ZNF324B: variants seen among roughly 807,000 people sequenced by gnomAD.
ZNF324B encodes zinc finger protein 324B.
ZNF324B carries 7 observed loss-of-function variants against 10.6 expected under a neutral mutation model. The ratio of observed to expected loss-of-function variants is 0.66; its 90% CI spans 0.38 to 1.24. ZNF324B has a LOEUF of 1.24. Ranked by LOEUF, ZNF324B falls within the 50% of genes most tolerant of loss-of-function variation. The probability of loss-of-function intolerance (pLI) is 0.02; values close to 1 mark genes in which losing one functional copy is unlikely to be tolerated. For missense variants in ZNF324B, 640 were observed against 764.7 expected (o/e 0.84, Z 1.92); for synonymous variants, 316 against 321.0 (o/e 0.98, Z 0.17).
At chr19:58,435,373 G>T in the ZNF324B span, 1 of 770,344 alleles carries the variant, frequency 1.3e-6, no homozygotes. Flanking sequence ...CATTACTATT[G>T]GCAGGATAGG....
At chr19:58,428,577 C>G in the ZNF324B span, 1 of 152,202 alleles carries the variant, frequency 6.6e-6, no homozygotes, top group Non-Finnish European at 1.5e-5. Flanking sequence ...TCTGTCTTCT[C>G]TGTCTTGAGG....
chr19:58,420,291 C>T, the ZNF324B span, among the ~76,000 whole-genome samples: 3 of 151,988 alleles, frequency 2.0e-5, no homozygotes, highest in Non-Finnish European at 2.9e-5. Flanking sequence ...TGGTGACGGG[C>T]GCCTGTAGTC....
upstream of ZNF324B, among the ~76,000 whole-genome samples, chr19:58,449,682 C>T (rs146168560): frequency 1.7e-3 from 258 of 152,308 alleles, 1 homozygote; most frequent in African/African-American, 5.7e-3. Flanking sequence ...TTCAGACTTT[C>T]GTGGGGCCTT....
the ZNF324B span, among the ~76,000 whole-genome samples, chr19:58,424,488 C>T: frequency 3.9e-5 from 6 of 152,132 alleles, no homozygotes; most frequent in East Asian, 3.8e-4. Flanking sequence ...AGTTGTTCAA[C>T]GTCACTAGTC....
the ZNF324B span, among the ~76,000 whole-genome samples, chr19:58,421,622 G>T: frequency 2.0e-5 from 3 of 152,004 alleles, no homozygotes; most frequent in Non-Finnish European, 2.9e-5. Flanking sequence ...CTCGTGATCC[G>T]CCCACCTCGG....
the ZNF324B span, chr19:58,439,848 C>A: frequency 6.5e-7 from 1 of 1,534,084 alleles, no homozygotes; most frequent in Non-Finnish European, 8.8e-7. Flanking sequence ...CTAGCCCTGC[C>A]GCTGGGCCGA....
rs1201367015 is a variant in ZNF324B, at chr19:58,456,294, G to A, written c.1350G>A (p.Glu450=). The change falls in exon 4 of 4, where the codon GAG becomes GAA. Residue 450 remains glutamate (E), a synonymous_variant. Transcript: ENST00000336614. The surrounding 1 kb of genome is among the most constrained non-coding windows in gnomAD (Gnocchi z 4.7). ...LTQHQLLHTG[E]RPFRCVDCGK... is the part of the protein sequence containing the mutation. The stretch of plus-strand genomic sequence containing the variant: ...AGCACCAGCTCCTGCACACGGGCGA[G>A]CGGCCCTTCCGCTGCGTGGACTGTG... 1 of 1,612,978 alleles carries A rather than the reference G, an allele frequency of 6.2e-7. No homozygotes were observed. The highest frequency in any genetic ancestry group is 8.5e-7 in the Non-Finnish European group (1 of 1,179,862).
rs1447837626 is a variant in ZNF324B at position 58,455,464 on chromosome 19, C to G, written c.520C>G (p.Pro174Ala). The G allele has an allele frequency of 2.5e-6, 4 of 1,614,094 alleles. No individual in the cohort carries two copies. The highest frequency in any genetic ancestry group is 3.4e-6 in the Non-Finnish European group (4 of 1,179,982). Residue 174 changes from proline (P) to alanine (A), a missense_variant, in exon 4 of 4, where the codon CCC (proline) becomes GCC (alanine). Physicochemically the swap from Pro to Ala is conservative, Grantham distance 27 (BLOSUM62 -1). Around this residue, in one of 3 missense-constraint regions of ZNF324B, gnomAD observed 345 missense variants for 387.9 expected, o/e 0.89. Coordinates refer to ENST00000336614, the MANE Select transcript of ZNF324B (RefSeq NM_207395.3). The surrounding 1 kb of genome is among the most constrained non-coding windows in gnomAD (Gnocchi z 7.0). ...ACTCAGGCCCCCCAAGAGCAGCCGGCCCAGGGAAAAGACCTTCACAGAGTA... is the reference window on the plus strand; with the variant it reads ...ACTCAGGCCCCCCAAGAGCAGCCGGGCCAGGGAAAAGACCTTCACAGAGTA... ...SPLRPPKSSR[P>A]REKTFTEYRV... is the part of the protein sequence containing the mutation.
chr19:58,439,898 C>A, the ZNF324B span: 1 of 1,461,512 alleles, frequency 6.8e-7, no homozygotes, highest in South Asian at 1.3e-5. Context: ...CACTCAGGAC[C>A]TGTCTTCCCA....
the ZNF324B span, among the ~76,000 whole-genome samples, chr19:58,422,164 CT>C: frequency 6.6e-5 from 10 of 152,112 alleles, no homozygotes; most frequent in Non-Finnish European, 1.5e-4. Context: ...TAATCTGCCC[CT>C]CTTACCCTCC....
At chr19:58,423,133 T>G in the ZNF324B span, among the ~76,000 whole-genome samples, 1,399 of 151,480 alleles carry the variant, frequency 9.2e-3, 9 homozygotes, top group Non-Finnish European at 0.014. Context: ...CCTCCCAAAG[T>G]GCTGGGATTA....
At chr19:58,421,052 T>C in the ZNF324B span, among the ~76,000 whole-genome samples, 1 of 150,920 alleles carries the variant, frequency 6.6e-6, no homozygotes, top group African/African-American at 2.4e-5. Flanking sequence ...TTATTCAGAA[T>C]GGGCTAGAAA....
chr19:58,423,399 A>G, the ZNF324B span, among the ~76,000 whole-genome samples: 1 of 152,188 alleles, frequency 6.6e-6, no homozygotes, highest in Non-Finnish European at 1.5e-5. Flanking sequence ...TGACCTCGTG[A>G]TCTGCCCAGC....
At chr19:58,434,458 T>C in the ZNF324B span, 300 of 1,614,116 alleles carry the variant, frequency 1.9e-4, no homozygotes, top group Non-Finnish European at 2.4e-4. Flanking sequence ...GAGTTTGTGG[T>C]TGAAGGTTTT....
At chr19:58,446,556 T>C in the ZNF324B span, among the ~76,000 whole-genome samples, 8 of 148,326 alleles carry the variant, frequency 5.4e-5, no homozygotes, top group Middle Eastern at 3.4e-3. Context: ...AGGAGCCTGA[T>C]TGGATAATTT....
chr19:58,424,085 C>CAAA, the ZNF324B span, among the ~76,000 whole-genome samples: 34 of 136,808 alleles, frequency 2.5e-4, no homozygotes, highest in African/African-American at 7.5e-4. Context: ...ACTAAAAATA[C>CAAA]AAAAAAAAAA....
the ZNF324B span, chr19:58,436,222 A>G: frequency 6.5e-6 from 1 of 154,294 alleles, no homozygotes; most frequent in African/African-American, 2.4e-5. Context: ...GACTGCTAAT[A>G]GGACCTACAG....
intron 2 of ZNF324B, 129 bp from the exon 3 acceptor site, chr19:58,454,099 T>G: frequency 1.4e-6 from 1 of 719,986 alleles, no homozygotes; most frequent in East Asian, 2.7e-5. Flanking sequence ...CCCCTTGCCC[T>G]GTGCTATCTT....
the ZNF324B span, among the ~76,000 whole-genome samples, chr19:58,439,299 C>T: frequency 4.6e-5 from 7 of 152,310 alleles, no homozygotes; most frequent in East Asian, 7.7e-4. Context: ...ATCCATAGGG[C>T]GTCTGTTAAG....
Sources: gnomAD v4.1 joint callset for allele counts (sites outside exome capture counted in the v4.1 genomes callset) on GRCh38, gnomAD v4.1.1 for gene constraint, gnomAD v4.1.1 regional missense constraint, Gnocchi (gnomAD v3.1) non-coding constraint, MANE v1.5 for transcripts, NCBI Gene and HGNC (gene_info 2026-07-23, HGNC 2026-07-21) for gene names.